CACNA1C: variants seen among roughly 807,000 people sequenced by gnomAD.
CACNA1C encodes the protein voltage-dependent L-type calcium channel subunit alpha-1C.
Under a neutral mutation model 229.0 loss-of-function variants are expected in CACNA1C, and 30 were observed. That is an observed-to-expected ratio of 0.13 (90% CI 0.10 to 0.18). The LOEUF is 0.18. Ranked by LOEUF, CACNA1C falls within the 10% of genes least tolerant of loss-of-function variation. The probability of loss-of-function intolerance (pLI) is 1.00; values close to 1 mark genes in which losing one functional copy is unlikely to be tolerated. For missense variants in CACNA1C, 1,658 were observed against 2,845.0 expected, an observed-to-expected ratio of 0.58 and a Z score of 9.49; for synonymous variants, 1,114 against 1,132.5, an observed-to-expected ratio of 0.98 and a Z score of 0.33.
chr12:2,478,354 G>A (rs925312495), intron 5 of CACNA1C, among the ~76,000 whole-genome samples: 2 of 152,164 alleles, frequency 1.3e-5, no homozygotes, highest in Non-Finnish European at 2.9e-5. Context: ...CTCCCAGGAT[G>A]GCCAGCGTGC....
chr12:2,226,989 C>G (rs1235843890), intron 3 of CACNA1C, among the ~76,000 whole-genome samples: 3 of 152,230 alleles, frequency 2.0e-5, no homozygotes, highest in Non-Finnish European at 4.4e-5. Context: ...AGCCCACTTG[C>G]AGATATTGCT....
In CACNA1C at chr12:2,602,923, T is replaced by C. The variant is rs1481031295; in HGVS notation, c.2960+963T>C. Among the ~76,000 whole-genome samples the C allele has an allele frequency of 6.6e-6, 1 of 152,102 alleles. No homozygotes were observed. The highest frequency in any genetic ancestry group is 1.5e-5 in the Non-Finnish European group (1 of 68,022). On this transcript the variant is annotated intron_variant, in intron 22 of 46. Transcript: ENST00000399655. This position sits in a 1 kb window ranked among gnomAD's most constrained non-coding sequence, Gnocchi z 4.4. The stretch of plus-strand genomic sequence containing the variant: ...GGAGACGGGGCAAGTGTTATCATGA[T>C]TGTATAGATGGGAAATTTGGAGTTC...
chr12:2,191,376 G>C (rs1003786082), intron 3 of CACNA1C, among the ~76,000 whole-genome samples: 4 of 152,124 alleles, frequency 2.6e-5, no homozygotes, highest in African/African-American at 9.7e-5. Flanking sequence ...CTTCTCCAGC[G>C]TACCGGCATC....
chr12:2,281,403 A>G (rs1052011082), intron 3 of CACNA1C, among the ~76,000 whole-genome samples: 1 of 152,050 alleles, frequency 6.6e-6, no homozygotes, highest in Non-Finnish European at 1.5e-5. Context: ...CCACACTTCT[A>G]TCTCATATTA....
chr12:2,264,454 G>T (rs778393892), intron 3 of CACNA1C, among the ~76,000 whole-genome samples: 1 of 152,350 alleles, frequency 6.6e-6, no homozygotes, highest in Non-Finnish European at 1.5e-5. Flanking sequence ...ACAGATGGGG[G>T]AACTGAGGTC....
intron 3 of CACNA1C, among the ~76,000 whole-genome samples, chr12:2,302,396 G>T (rs999057593): frequency 2.6e-5 from 4 of 151,770 alleles, no homozygotes; most frequent in Non-Finnish European, 5.9e-5. Flanking sequence ...GAATGCCAAG[G>T]TCACTCTTCC....
chr12:2,650,491 G>A (rs575287104), intron 31 of CACNA1C, among the ~76,000 whole-genome samples: 16 of 152,276 alleles, frequency 1.1e-4, no homozygotes, highest in Admixed American at 3.9e-4. Context: ...AGGAAGCCCC[G>A]AGGGTCCATT....
At position 2,241,413 on chromosome 12, in the gene CACNA1C, A is replaced by G. The variant is rs577774381; in HGVS notation, c.477+120983A>G. Among the ~76,000 whole-genome samples, 11 of 152,018 alleles carry G rather than the reference A, an allele frequency of 7.2e-5. No individual in the cohort carries two copies. In the South Asian group the frequency reaches 2.3e-3, roughly 32 times the overall value. On this transcript the variant is annotated intron_variant, in intron 3 of 46. Transcript: ENST00000399655. The stretch of plus-strand genomic sequence containing the variant: ...ATCTTTTTATCATGCCATGTTTTTT[A>G]TGCCTCCCCCCTTGTCCCAGAGTGT...
chr12:2,647,994 C>T lies in CACNA1C; in HGVS notation c.3913-481C>T, dbSNP rs1022123863. On this transcript the variant is annotated intron_variant, in intron 30 of 46. Coordinates refer to ENST00000399655, the MANE Select transcript of CACNA1C (RefSeq NM_000719.7). The surrounding 1 kb of genome is among the most constrained non-coding windows in gnomAD (Gnocchi z 4.2). ...ATTAAAATAAAAAATTTAAATTAGC[C>T]GGGCATGGTGGCACGTTCCTATAGT... 2.0e-5 allele frequency among the ~76,000 whole-genome samples: 3 copies of T among 151,904 alleles called. No homozygotes were observed. Among genetic ancestry groups the T allele is most frequent in the Non-Finnish European group, 2.9e-5 (2 of 67,992 alleles).
chr12:2,189,945 C>T (rs1392987434), intron 3 of CACNA1C, among the ~76,000 whole-genome samples: 3 of 152,230 alleles, frequency 2.0e-5, no homozygotes, highest in Non-Finnish European at 4.4e-5. Flanking sequence ...CCGAAACCTT[C>T]AAGGCTGGGT....
chr12:2,029,349 C>A lies in CACNA1C; in HGVS notation c.139+58148C>A, dbSNP rs1180658722. 1.3e-5 allele frequency among the ~76,000 whole-genome samples: 2 copies of A among 152,188 alleles called. No homozygotes were observed. The highest frequency in any genetic ancestry group is 4.8e-5 in the African/African-American group (2 of 41,442). On this transcript the variant is annotated intron_variant, in intron 1 of 46. Coordinates refer to the CACNA1C transcript ENST00000682462. The surrounding 1 kb of genome is among the most constrained non-coding windows in gnomAD (Gnocchi z 4.9). ...TGAAATCCAGAGCTATGTAACACAT[C>A]CGCAATATACACCATCACCACTAAC...
intron 3 of CACNA1C, among the ~76,000 whole-genome samples, chr12:2,339,574 ACT>A (rs990032767): frequency 6.6e-5 from 10 of 152,032 alleles, no homozygotes; most frequent in Admixed American, 5.2e-4. Context: ...GTACAAAAAT[ACT>A]CTCTTTATAT....
intron 1 of CACNA1C, among the ~76,000 whole-genome samples, chr12:1,972,300 T>A (rs1157762430): frequency 6.6e-6 from 1 of 152,234 alleles, no homozygotes; most frequent in Admixed American, 6.5e-5. Context: ...GAATATCTAA[T>A]CATATATTTG....
chr12:2,382,710 C>G (rs977087061), intron 3 of CACNA1C, among the ~76,000 whole-genome samples: 6 of 152,238 alleles, frequency 3.9e-5, no homozygotes, highest in Non-Finnish European at 7.3e-5. Flanking sequence ...TGTTCCTGAA[C>G]TGGCAAATCC....
intron 8 of CACNA1C, among the ~76,000 whole-genome samples, chr12:2,505,552 C>G (rs1346326108): frequency 6.6e-6 from 1 of 152,138 alleles, no homozygotes; most frequent in Non-Finnish European, 1.5e-5. Flanking sequence ...GTAGACCCAG[C>G]AACTCAGAAG....
chr12:2,241,396 A>G (rs1187512778), intron 3 of CACNA1C, among the ~76,000 whole-genome samples: 2 of 152,090 alleles, frequency 1.3e-5, no homozygotes, highest in Non-Finnish European at 1.5e-5. Context: ...AGATCTTTTT[A>G]TCATGCCATG....
At chr12:2,163,038 A>C (rs1377823437) in intron 3 of CACNA1C, among the ~76,000 whole-genome samples, 1 of 152,040 alleles carries the variant, frequency 6.6e-6, no homozygotes, top group African/African-American at 2.4e-5. Context: ...ATCTCTACTA[A>C]AAATACAAAA....
At chr12:2,111,071 C>T (rs118006060) in intron 1 of CACNA1C, among the ~76,000 whole-genome samples, 3,132 of 152,240 alleles carry the variant, frequency 0.021, 42 homozygotes, top group South Asian at 0.037. Context: ...GTCATGGGAC[C>T]GCAGCAATGC....
intron 3 of CACNA1C, among the ~76,000 whole-genome samples, chr12:2,122,342 C>T (rs2087192007): frequency 6.6e-6 from 1 of 152,202 alleles, no homozygotes; most frequent in Non-Finnish European, 1.5e-5. Context: ...AAAAAAGCTG[C>T]AGATGACTTC....
Sources: allele counts gnomAD v4.1 joint callset (sites outside exome capture counted in the v4.1 genomes callset), GRCh38; gene constraint gnomAD v4.1.1; non-coding constraint Gnocchi (gnomAD v3.1); transcripts MANE v1.5; gene names NCBI Gene and HGNC (gene_info 2026-07-23, HGNC 2026-07-21).